Variants in FAM135A observed in about 807,000 individuals in gnomAD.
FAM135A encodes the protein family with sequence similarity 135 member A.
FAM135A carries 79 observed loss-of-function variants against 146.8 expected under a neutral mutation model. The observed-to-expected ratio is 0.54, with a 90% CI of 0.45 to 0.65. FAM135A has a LOEUF of 0.65. Among genes scored for constraint, FAM135A ranks in the 30% least tolerant of loss-of-function variants. FAM135A has a pLI of 0.00. For synonymous variants in FAM135A, 562 were observed against 603.6 expected (o/e 0.93, Z 1.01); for missense variants, 1,623 against 1,758.2 (o/e 0.92, Z 1.38).
At chr6:70,532,601 G>T (rs1318400441) in intron 16 of FAM135A, among the ~76,000 whole-genome samples, 1 of 152,082 alleles carries the variant, frequency 6.6e-6, no homozygotes. Flanking sequence ...TAAATACACT[G>T]TTAGGTAGAA....
At chr6:70,520,382 A>G (rs1793296661) in intron 12 of FAM135A, among the ~76,000 whole-genome samples, 5 of 152,204 alleles carry the variant, frequency 3.3e-5, no homozygotes. Flanking sequence ...TAGATAATCT[A>G]TCAGATATAG....
intron 4 of FAM135A, among the ~76,000 whole-genome samples, chr6:70,442,462 A>G (rs1307156100): frequency 6.6e-6 from 1 of 152,152 alleles, no homozygotes; most frequent in African/African-American, 2.4e-5. Context: ...AAAGTCCACT[A>G]TATTGAGATA....
intron 21 of FAM135A, 73 bp downstream of exon 21, chr6:70,556,936 TTTCTCTCGTATCTGTCACCC>T (rs779706253): frequency 1.9e-6 from 2 of 1,045,606 alleles, no homozygotes; most frequent in Non-Finnish European, 1.5e-6. Flanking sequence ...TTGTAGTCAC[TTTCTCTCGTATCTGTCACCC>T]TTCTCTTTCC....
chr6:70,439,419 A>G (rs1382650019), intron 4 of FAM135A, among the ~76,000 whole-genome samples: 1 of 152,168 alleles, frequency 6.6e-6, no homozygotes, highest in African/African-American at 2.4e-5. Context: ...TAATATTATA[A>G]CATCAGCTTT....
chr6:70,448,363 C>T (rs891410748), intron 4 of FAM135A, among the ~76,000 whole-genome samples: 3 of 152,144 alleles, frequency 2.0e-5, no homozygotes, highest in Admixed American at 1.3e-4. Flanking sequence ...TGAAAGTGTT[C>T]CAAGGTGGAA....
chr6:70,480,765 C>T (rs1783541723), intron 8 of FAM135A, 136 bp from the exon 9 acceptor site: 1 of 649,236 alleles, frequency 1.5e-6, no homozygotes, highest in South Asian at 4.8e-5. Context: ...TTTAAAATTA[C>T]TTTAGGAGTA....
chr6:70,503,147 C>T (rs906362446), intron 12 of FAM135A: 1 of 159,238 alleles, frequency 6.3e-6, no homozygotes, highest in African/African-American at 2.4e-5. Flanking sequence ...ATATCTCCCT[C>T]TTCTCCTTTT....
intron 18 of FAM135A, among the ~76,000 whole-genome samples, chr6:70,534,760 T>C (rs971649629): frequency 6.6e-6 from 1 of 152,218 alleles, no homozygotes; most frequent in African/African-American, 2.4e-5. Context: ...TAGAATAAAC[T>C]GACTATATTC....
At chr6:70,434,562 C>G (rs533168161) in intron 4 of FAM135A, among the ~76,000 whole-genome samples, 15 of 152,292 alleles carry the variant, frequency 9.8e-5, no homozygotes, top group Admixed American at 9.1e-4. Flanking sequence ...TATTTTACTG[C>G]AGATTGGTAA....
chr6:70,450,340 G>T (rs1776751791), intron 4 of FAM135A, among the ~76,000 whole-genome samples: 1 of 152,120 alleles, frequency 6.6e-6, no homozygotes, highest in African/African-American at 2.4e-5. Flanking sequence ...AGAAATCATA[G>T]CTCAGAACAA....
intron 12 of FAM135A, among the ~76,000 whole-genome samples, chr6:70,506,230 G>C (rs78858843): frequency 1.4e-3 from 206 of 152,196 alleles, no homozygotes; most frequent in African/African-American, 4.8e-3. Context: ...ACTCTGACAA[G>C]ACTTGAAAGG....
chr6:70,512,897 T>G (rs185518872), intron 12 of FAM135A, among the ~76,000 whole-genome samples: 137 of 151,960 alleles, frequency 9.0e-4, no homozygotes, highest in African/African-American at 3.2e-3. Context: ...TTAGAGAGCA[T>G]TAGAATTATA....
intron 20 of FAM135A, among the ~76,000 whole-genome samples, chr6:70,548,670 A>G (rs904139441): frequency 2.0e-5 from 3 of 152,198 alleles, no homozygotes; most frequent in Non-Finnish European, 4.4e-5. Context: ...ATGAAGAAAT[A>G]TATAATGCCT....
rs1794323998 is a variant in FAM135A, at chr6:70,524,757, A to ATT, written c.1676_1677dup (p.Asp560LeufsTer7). The ATT allele has an allele frequency of 6.5e-7, 1 of 1,549,176 alleles. No individual in the cohort carries two copies. The highest frequency in any genetic ancestry group is 8.7e-7 in the Non-Finnish European group (1 of 1,146,342). On this transcript the variant is annotated frameshift_variant, in exon 15 of 22. Coordinates refer to ENST00000418814, the MANE Select transcript of FAM135A (RefSeq NM_001162529.3). LOFTEE classifies it high-confidence loss of function. ...CTGGATCCCACAATATGTGGATATA[A>ATT]TTTTGACCCAAAGACCTACATGAGA... is the stretch of plus-strand genomic sequence containing the variant.
intron 4 of FAM135A, among the ~76,000 whole-genome samples, chr6:70,435,565 G>T (rs1772897582): frequency 6.6e-6 from 1 of 151,726 alleles, no homozygotes; most frequent in Non-Finnish European, 1.5e-5. Flanking sequence ...TGTTGCCCAG[G>T]CTGGAGCGTA....
At chr6:70,528,666 C>T (rs542417553) in intron 16 of FAM135A, among the ~76,000 whole-genome samples, 211 of 151,094 alleles carry the variant, frequency 1.4e-3, no homozygotes, top group African/African-American at 4.8e-3. Context: ...TTCCATGGAA[C>T]TGACACTCAT....
intron 12 of FAM135A, among the ~76,000 whole-genome samples, chr6:70,513,004 GT>G (rs763223329): frequency 1.3e-5 from 2 of 151,112 alleles, no homozygotes; most frequent in African/African-American, 4.9e-5. Flanking sequence ...TTCTGTTCAG[GT>G]TTTTGACATC....
At chr6:70,425,591 A>G (rs1445214597) in intron 2 of FAM135A, among the ~76,000 whole-genome samples, 1 of 152,230 alleles carries the variant, frequency 6.6e-6, no homozygotes, top group African/African-American at 2.4e-5. Flanking sequence ...AGTACCTAAA[A>G]TAATTATACC....
intron 12 of FAM135A, chr6:70,513,416 G>T (rs1207412788): frequency 1.4e-5 from 2 of 143,660 alleles, no homozygotes. Flanking sequence ...TAATCCTCTT[G>T]GGATTTCAGT....
Sources: gnomAD v4.1 joint callset for allele counts (sites outside exome capture counted in the v4.1 genomes callset) on GRCh38, gnomAD v4.1.1 for gene constraint, MANE v1.5 for transcripts, NCBI Gene and HGNC (gene_info 2026-07-23, HGNC 2026-07-21) for gene names.